Variants in ARHGAP24 observed in about 807,000 individuals in gnomAD.
The protein encoded by ARHGAP24 is Rho GTPase activating protein 24.
ARHGAP24 carries 50 observed loss-of-function variants against 76.4 expected under a neutral mutation model. The observed-to-expected ratio is 0.65, with a 90% confidence interval of 0.52 to 0.83. ARHGAP24 has a LOEUF of 0.83. Among genes scored for constraint, ARHGAP24 ranks in the 40% least tolerant of loss-of-function variants. The pLI is 0.00. For missense variants in ARHGAP24, 930 were observed against 914.2 expected, an observed-to-expected ratio of 1.02 and a Z score of -0.22; for synonymous variants, 345 against 323.3, an observed-to-expected ratio of 1.07 and a Z score of -0.72.
chr4:85,517,769 T>C (rs1724571066), intron 1 of ARHGAP24, among the ~76,000 whole-genome samples: 1 of 152,188 alleles, frequency 6.6e-6, no homozygotes, highest in South Asian at 2.1e-4. Flanking sequence ...ACTTTTAGGT[T>C]GAAAAACTCT....
chr4:85,884,587 C>A (rs557366049), intron 3 of ARHGAP24, among the ~76,000 whole-genome samples: 1 of 152,154 alleles, frequency 6.6e-6, no homozygotes, highest in Non-Finnish European at 1.5e-5. Flanking sequence ...TCTGGGTTAG[C>A]TTTCCTCTGG....
At chr4:85,721,406 C>CAAA (rs11409263) in intron 2 of ARHGAP24, among the ~76,000 whole-genome samples, 31 of 107,338 alleles carry the variant, frequency 2.9e-4, no homozygotes, top group East Asian at 7.3e-4. Context: ...AAAAAACAAA[C>CAAA]AAAAAAAAAA....
At chr4:85,755,625 TG>T (rs1726448878) in intron 3 of ARHGAP24, among the ~76,000 whole-genome samples, 1 of 30,022 alleles carries the variant, frequency 3.3e-5, no homozygotes, top group Non-Finnish European at 2.1e-4. Flanking sequence ...TCTATTCTTT[TG>T]TTTTGTTTTG....
At chr4:85,715,723 C>A (rs1724710296) in intron 2 of ARHGAP24, among the ~76,000 whole-genome samples, 1 of 152,132 alleles carries the variant, frequency 6.6e-6, no homozygotes, top group Admixed American at 6.6e-5. Context: ...GTTTCCTTTT[C>A]ATAACAGGGC....
intron 3 of ARHGAP24, among the ~76,000 whole-genome samples, chr4:85,884,775 A>T (rs1212235024): frequency 2.0e-5 from 3 of 152,204 alleles, no homozygotes; most frequent in Non-Finnish European, 4.4e-5. Flanking sequence ...GCTTTGATAA[A>T]GAAATCTTGG....
chr4:85,757,112 C>T (rs141916498), intron 3 of ARHGAP24, among the ~76,000 whole-genome samples: 1 of 152,110 alleles, frequency 6.6e-6, no homozygotes, highest in East Asian at 1.9e-4. Context: ...TTGGGCCAGG[C>T]CATCTCCGTC....
chr4:85,618,124 C>A (rs560781134), intron 2 of ARHGAP24, among the ~76,000 whole-genome samples: 1 of 152,144 alleles, frequency 6.6e-6, no homozygotes, highest in Admixed American at 6.6e-5. Flanking sequence ...AACTTTGTAC[C>A]CCTTGACCAA....
chr4:85,790,298 CAT>C (rs796402756), intron 3 of ARHGAP24, among the ~76,000 whole-genome samples: 62 of 152,220 alleles, frequency 4.1e-4, no homozygotes, highest in African/African-American at 1.4e-3. Context: ...TTTTTCACAC[CAT>C]ATCTTGATTT....
intron 3 of ARHGAP24, among the ~76,000 whole-genome samples, chr4:85,733,615 A>G (rs1725500514): frequency 6.6e-6 from 1 of 152,066 alleles, no homozygotes; most frequent in Non-Finnish European, 1.5e-5. Flanking sequence ...ACAGAAATGT[A>G]TTTTCTCAGG....
chr4:85,960,660 A>T (rs1198136125), intron 5 of ARHGAP24, among the ~76,000 whole-genome samples: 1 of 152,190 alleles, frequency 6.6e-6, no homozygotes, highest in Non-Finnish European at 1.5e-5. Context: ...CTGATATCTC[A>T]GGAAGTAGAA....
intron 2 of ARHGAP24, among the ~76,000 whole-genome samples, chr4:85,699,133 C>A (rs1343582838): frequency 6.6e-6 from 1 of 152,140 alleles, no homozygotes; most frequent in Non-Finnish European, 1.5e-5. Flanking sequence ...CATCCTTGTC[C>A]CATCTATTCT....
chr4:85,972,363 A>C (rs1390578252), intron 6 of ARHGAP24, 195 bp downstream of exon 6: 4 of 667,144 alleles, frequency 6.0e-6, no homozygotes, highest in Non-Finnish European at 1.0e-5. Context: ...ATCAAAAAAA[A>C]AGAATATGGC....
chr4:85,896,402 C>G (rs1381423071), intron 3 of ARHGAP24, among the ~76,000 whole-genome samples: 1 of 152,156 alleles, frequency 6.6e-6, no homozygotes, highest in Non-Finnish European at 1.5e-5. Flanking sequence ...AAAAACAATA[C>G]TTCTTTTGTT....
chr4:85,547,117 A>C (rs1404422832), intron 1 of ARHGAP24, among the ~76,000 whole-genome samples: 1 of 152,118 alleles, frequency 6.6e-6, no homozygotes, highest in Non-Finnish European at 1.5e-5. Flanking sequence ...CATTTCATCT[A>C]TTTGCCCTAT....
chr4:85,684,192 G>A (rs955876100), intron 2 of ARHGAP24, among the ~76,000 whole-genome samples: 1 of 152,012 alleles, frequency 6.6e-6, no homozygotes, highest in African/African-American at 2.4e-5. Context: ...TTCTATAATG[G>A]CTTCCATTTT....
intron 3 of ARHGAP24, among the ~76,000 whole-genome samples, chr4:85,874,600 A>C (rs1218470539): frequency 6.6e-6 from 1 of 151,734 alleles, no homozygotes; most frequent in African/African-American, 2.4e-5. Flanking sequence ...TCATGTGAAT[A>C]ACTTCTATAT....
intron 1 of ARHGAP24, among the ~76,000 whole-genome samples, chr4:85,517,129 C>T (rs6836828): frequency 0.99 from 150,821 of 152,268 alleles, 74,715 homozygotes; most frequent in Middle Eastern, 1. Context: ...TTGGTCTATC[C>T]GCCTATACCT....
chr4:85,962,347 A>T (rs1266195698), intron 5 of ARHGAP24, among the ~76,000 whole-genome samples: 1 of 152,120 alleles, frequency 6.6e-6, no homozygotes, highest in Non-Finnish European at 1.5e-5. Flanking sequence ...TAATGAGATA[A>T]CTGCATCATT....
chr4:85,535,567 G>C (rs1725435884), intron 1 of ARHGAP24, among the ~76,000 whole-genome samples: 2 of 152,310 alleles, frequency 1.3e-5, no homozygotes, highest in East Asian at 1.9e-4. Flanking sequence ...ATGTGATTTG[G>C]TTATGGTGAA....
Sources: allele counts gnomAD v4.1 joint callset (sites outside exome capture counted in the v4.1 genomes callset), GRCh38; gene constraint gnomAD v4.1.1; transcripts MANE v1.5; gene names NCBI Gene and HGNC (gene_info 2026-07-23, HGNC 2026-07-21).